Variants in NHSL2 observed in about 807,000 individuals in gnomAD.
NHSL2 encodes NHS-like protein 2.
Under a neutral mutation model 53.4 loss-of-function variants are expected in NHSL2, and 27 were observed. That is an observed-to-expected ratio of 0.51 (90% CI 0.37 to 0.70). The LOEUF (loss-of-function observed/expected upper bound fraction) is 0.70, where lower values mean the gene tolerates loss of function less well. Among genes scored for constraint, NHSL2 ranks in the 30% least tolerant of loss-of-function variants. NHSL2 has a pLI of 0.00. For synonymous variants in NHSL2, 408 were observed against 404.1 expected (o/e 1.01, Z -0.12); for missense variants, 892 against 980.1 (o/e 0.91, Z 1.20).
intron 1 of NHSL2, among the ~76,000 whole-genome samples, chrX:72,093,721 G>GCTTGCTTTCTTT (rs1216358306): frequency 2.6e-3 from 248 of 95,314 alleles, no homozygotes; most frequent in Middle Eastern, 0.011. Flanking sequence ...TAGCTTGCTT[G>GCTTGCTTTCTTT]CTTTCTTTCT....
chrX:72,139,267 C>G lies in NHSL2; in HGVS notation c.1719C>G (p.Arg573=), dbSNP rs761004749. 1.7e-6 allele frequency: 2 copies of G among 1,196,519 alleles called. No individual in the cohort carries two copies. Among genetic ancestry groups the G allele is most frequent in the African/African-American group, 3.5e-5 (2 of 56,826 alleles). ...KAKKKPSPPT[R]SVSLVKDEPG... is the part of the protein sequence containing the mutation. ...AAAAGAAGCCTTCCCCACCCACACG[C>G]AGTGTCTCACTGGTCAAAGATGAGC... Residue 573 remains arginine, a synonymous_variant, in exon 6 of 8, where the codon CGC becomes CGG. Transcript: ENST00000633930.
chrX:71,988,255 G>A lies in NHSL2; in HGVS notation c.280+76888G>A, dbSNP rs1014281173. 6.3e-5 allele frequency among the ~76,000 whole-genome samples: 7 copies of A among 111,588 alleles called. No individual in the cohort carries two copies. The Admixed American group carries it at 6.6e-4, about 11-fold the overall frequency. On this transcript the variant is annotated intron_variant, in intron 1 of 7. Transcript: ENST00000633930. ...TTTTTGAAGGTTTTGTTTGTCAAAG[G>A]GATCTTTTCCAGCATTCCCATCAGC...
intron 1 of NHSL2, among the ~76,000 whole-genome samples, chrX:71,968,507 G>A (rs761070899): frequency 9.0e-6 from 1 of 111,458 alleles, no homozygotes; most frequent in African/African-American, 3.3e-5. Context: ...TTTTTGTATG[G>A]CATCCTTTGA....
intron 1 of NHSL2, among the ~76,000 whole-genome samples, chrX:72,054,663 C>T (rs1402892364): frequency 1.8e-5 from 2 of 111,996 alleles, no homozygotes; most frequent in African/African-American, 6.5e-5. Context: ...TTGGGATGTG[C>T]TAACATTTTT....
At chrX:71,996,547 C>A (rs2042050881) in intron 1 of NHSL2, among the ~76,000 whole-genome samples, 1 of 112,658 alleles carries the variant, frequency 8.9e-6, no homozygotes, top group Non-Finnish European at 1.9e-5. Flanking sequence ...GTAGAAGAGT[C>A]TGGTCTGGTT....
intron 1 of NHSL2, among the ~76,000 whole-genome samples, chrX:71,960,380 T>C (rs11798491): frequency 0.087 from 9,738 of 112,289 alleles, 441 homozygotes; most frequent in East Asian, 0.28. Context: ...GTCAAATTTA[T>C]AGCTACTATG....
intron 1 of NHSL2, among the ~76,000 whole-genome samples, chrX:71,951,430 A>G (rs780624291): frequency 9.8e-5 from 11 of 112,078 alleles, no homozygotes; most frequent in African/African-American, 3.2e-4. Flanking sequence ...TAATTTTTTC[A>G]GGAACTGCCA....
intron 1 of NHSL2, among the ~76,000 whole-genome samples, chrX:72,036,430 A>G (rs780902301): frequency 1.6e-4 from 18 of 112,368 alleles, no homozygotes; most frequent in African/African-American, 5.8e-4. Flanking sequence ...TTTATTTTTA[A>G]TAAAGAAAGT....
intron 1 of NHSL2, among the ~76,000 whole-genome samples, chrX:72,050,568 G>A (rs1371299825): frequency 3.6e-5 from 4 of 111,894 alleles, no homozygotes; most frequent in Non-Finnish European, 5.6e-5. Flanking sequence ...TAACATTTGC[G>A]TCATGTTTGC....
At chrX:72,136,829 G>A (rs2042359639) in intron 4 of NHSL2, among the ~76,000 whole-genome samples, 1 of 112,293 alleles carries the variant, frequency 8.9e-6, no homozygotes, top group South Asian at 3.7e-4. Context: ...AGTTTCAAAA[G>A]CTGCCCAGTT....
chrX:72,105,831 G>A (rs887651748), intron 1 of NHSL2, among the ~76,000 whole-genome samples: 10 of 112,173 alleles, frequency 8.9e-5, no homozygotes, highest in African/African-American at 3.2e-5. Flanking sequence ...ATGTCCTTAC[G>A]CCAAAAAATC....
At chrX:71,988,190 G>A (rs2042011266) in intron 1 of NHSL2, among the ~76,000 whole-genome samples, 1 of 111,898 alleles carries the variant, frequency 8.9e-6, no homozygotes, top group African/African-American at 3.3e-5. Flanking sequence ...TCCACCCATT[G>A]CAATGCCACT....
chrX:72,029,069 G>A (rs1015150338), intron 1 of NHSL2, among the ~76,000 whole-genome samples: 12 of 111,433 alleles, frequency 1.1e-4, no homozygotes, highest in Non-Finnish European at 2.1e-4. Context: ...CTTAGGCATG[G>A]CATAGACAAG....
intron 1 of NHSL2, among the ~76,000 whole-genome samples, chrX:72,117,967 A>G (rs186465336): frequency 1.2e-4 from 13 of 110,235 alleles, no homozygotes; most frequent in African/African-American, 3.6e-4. Context: ...TATGTTTCCA[A>G]TTCTCTTGGG....
intron 1 of NHSL2, among the ~76,000 whole-genome samples, chrX:71,984,256 A>G (rs1430267515): frequency 8.9e-6 from 1 of 112,038 alleles, no homozygotes; most frequent in African/African-American, 3.2e-5. Context: ...AGTTCTGACA[A>G]AAGGTGATAT....
At chrX:72,126,652 T>C (rs1298037269) in intron 1 of NHSL2, among the ~76,000 whole-genome samples, 1 of 111,211 alleles carries the variant, frequency 9.0e-6, no homozygotes, top group Non-Finnish European at 1.9e-5. Flanking sequence ...GACCCCACAG[T>C]CCGTGAGGAG....
intron 1 of NHSL2, among the ~76,000 whole-genome samples, chrX:71,922,920 C>T (rs1024968900): frequency 1.8e-5 from 2 of 111,987 alleles, no homozygotes; most frequent in Non-Finnish European, 3.8e-5. Context: ...CTGCCTGTTG[C>T]GAAATAGCCC....
intron 1 of NHSL2, among the ~76,000 whole-genome samples, chrX:72,039,309 A>G (rs1033325954): frequency 3.6e-5 from 4 of 111,043 alleles, no homozygotes; most frequent in African/African-American, 1.3e-4. Context: ...ATCCATGTTG[A>G]TACACGAGTT....
At chrX:72,089,451 TA>T (rs1027250091) in intron 1 of NHSL2, among the ~76,000 whole-genome samples, 1 of 110,907 alleles carries the variant, frequency 9.0e-6, no homozygotes. Context: ...AGAGGGCTTG[TA>T]GGAGGTGGCT....
Sources: gnomAD v4.1 joint callset for allele counts (sites outside exome capture counted in the v4.1 genomes callset) on GRCh38, gnomAD v4.1.1 for gene constraint, MANE v1.5 for transcripts, NCBI Gene and HGNC (gene_info 2026-07-23, HGNC 2026-07-21) for gene names.